The following SLC16A9 variants were observed in gnomAD, a reference collection of about 807,000 sequenced individuals.
SLC16A9 encodes solute carrier family 16 member 9.
In SLC16A9, 26 loss-of-function variants were observed where a neutral mutation model predicts 44.3. That is an observed-to-expected ratio of 0.59 (90% CI 0.43 to 0.81). SLC16A9 has a LOEUF of 0.81. Among genes scored for constraint, SLC16A9 ranks in the 40% least tolerant of loss-of-function variants. SLC16A9 has a pLI of 0.00. For synonymous variants in SLC16A9, 230 were observed against 225.1 expected, an observed-to-expected ratio of 1.02 and a Z score of -0.19; for missense variants, 559 against 595.8, an observed-to-expected ratio of 0.94 and a Z score of 0.64.
chr10:59,657,652 G>A (rs1021193743), intron 4 of SLC16A9, among the ~76,000 whole-genome samples: 9 of 152,258 alleles, frequency 5.9e-5, no homozygotes, highest in African/African-American at 1.9e-4. Context: ...ATCTGTCACA[G>A]CATGCAACTC....
At chr10:59,704,259 C>A (rs1449323869) in intron 1 of SLC16A9, among the ~76,000 whole-genome samples, 1 of 152,054 alleles carries the variant, frequency 6.6e-6, no homozygotes, top group Non-Finnish European at 1.5e-5. Flanking sequence ...CCTGTGCTAT[C>A]CCCCATACCT....
intron 1 of SLC16A9, chr10:59,708,915 C>G (rs776300113): frequency 1.6e-4 from 25 of 152,436 alleles, no homozygotes; most frequent in Non-Finnish European, 3.1e-4. Context: ...CCCAGGGCTG[C>G]CGGGTGGTGC....
At chr10:59,656,588 A>AT (rs936646529) in intron 4 of SLC16A9, among the ~76,000 whole-genome samples, 3 of 152,094 alleles carry the variant, frequency 2.0e-5, no homozygotes, top group Admixed American at 1.3e-4. Flanking sequence ...AAGATACAGG[A>AT]TTTTTTTCCC....
At chr10:59,685,859 G>A (rs915325850) in intron 1 of SLC16A9, among the ~76,000 whole-genome samples, 1 of 152,162 alleles carries the variant, frequency 6.6e-6, no homozygotes, top group South Asian at 2.1e-4. Flanking sequence ...AAGTTCAAGA[G>A]CATTGAGCTA....
intron 4 of SLC16A9, 76 bp downstream of exon 4, chr10:59,664,151 T>C (rs1333154632): frequency 7.2e-6 from 7 of 966,810 alleles, no homozygotes; most frequent in Admixed American, 7.2e-5. Flanking sequence ...TGGTTAAACA[T>C]GTCTGTGCTT....
At chr10:59,707,177 G>A (rs1042346465) in intron 1 of SLC16A9, among the ~76,000 whole-genome samples, 2 of 150,388 alleles carry the variant, frequency 1.3e-5, no homozygotes, top group African/African-American at 4.9e-5. Flanking sequence ...CCTGAGCCTG[G>A]TGAAGTCGAG....
At position 59,654,249 on chromosome 10, in the gene SLC16A9, C is replaced by A. The variant is rs753556016; in HGVS notation, c.777G>T (p.Val259=). ...ACGTTTCAGGCTCTTTTGTGTGTGTCACTGTGGGGTTTTTATGAAGTAGGC... is the reference window on the plus strand; with the variant it reads ...ACGTTTCAGGCTCTTTTGTGTGTGTAACTGTGGGGTTTTTATGAAGTAGGC... ...QDSLLHKNPT[V]THTKEPETYK... Residue 259 remains valine (V), a synonymous_variant, in exon 5 of 6, where the codon GTG becomes GTT. Transcript: ENST00000395348. 5 of 1,614,016 alleles carry A rather than the reference C, an allele frequency of 3.1e-6. No individual in the cohort carries two copies. In the South Asian group the frequency reaches 4.4e-5, roughly 14 times the overall value.
upstream of SLC16A9, chr10:59,710,023 C>G (rs891908873): frequency 2.0e-5 from 3 of 152,338 alleles, no homozygotes; most frequent in African/African-American, 7.2e-5. Flanking sequence ...AGGCCTGGAG[C>G]CACCAAAGCC....
At chr10:59,653,643 A>C (rs1839268958) in intron 5 of SLC16A9, 32 bp downstream of exon 5, 2 of 1,571,620 alleles carry the variant, frequency 1.3e-6, no homozygotes, top group Non-Finnish European at 8.7e-7. Flanking sequence ...GAAGAACAGT[A>C]AAATGGGATG....
chr10:59,655,558 T>G (rs1839331594), intron 4 of SLC16A9, among the ~76,000 whole-genome samples: 1 of 152,124 alleles, frequency 6.6e-6, no homozygotes, highest in Non-Finnish European at 1.5e-5. Flanking sequence ...TTTTTTAGGG[T>G]ATTTAAATTA....
intron 1 of SLC16A9, among the ~76,000 whole-genome samples, chr10:59,696,717 C>T (rs1481384835): frequency 2.6e-5 from 4 of 151,690 alleles, no homozygotes; most frequent in African/African-American, 9.7e-5. Flanking sequence ...TGCCCTGCCG[C>T]CCCGTCTGGG....
At position 59,691,175 on chromosome 10, in the gene SLC16A9, A is replaced by G. The variant is rs552337426; in HGVS notation, c.-36-6848T>C. Among the ~76,000 whole-genome samples the G allele has an allele frequency of 3.9e-5, 6 of 152,342 alleles. No homozygotes were observed. The South Asian group carries it at 1.0e-3, about 26-fold the overall frequency. On this transcript the variant is annotated intron_variant, in intron 1 of 5. Coordinates refer to ENST00000395348, the MANE Select transcript of SLC16A9 (RefSeq NM_194298.3). The stretch of plus-strand genomic sequence containing the variant: ...ATTTAGATTTATGATCCATGCATAC[A>G]TTCAACGTTTTGGAGTCTTATTCAA...
chr10:59,704,910 AT>A (rs1204791374), intron 1 of SLC16A9, among the ~76,000 whole-genome samples: 4 of 152,388 alleles, frequency 2.6e-5, no homozygotes, highest in Non-Finnish European at 5.9e-5. Flanking sequence ...ACAAAGTAGT[AT>A]GTTTACTGTA....
At chr10:59,696,415 G>A (rs1454708893) in intron 1 of SLC16A9, among the ~76,000 whole-genome samples, 2 of 152,192 alleles carry the variant, frequency 1.3e-5, no homozygotes, top group East Asian at 3.9e-4. Flanking sequence ...GCTCAATGGT[G>A]CCCAGGCTGG....
chr10:59,697,650 T>C (rs1175454018), intron 1 of SLC16A9, among the ~76,000 whole-genome samples: 1 of 149,412 alleles, frequency 6.7e-6, no homozygotes, highest in African/African-American at 2.4e-5. Context: ...TTCACTTGTT[T>C]ATCTGCTGAC....
In SLC16A9 at chr10:59,697,769, TTAAAAAAA is replaced by T. The variant is rs376862154; in HGVS notation, c.-37+11702_-37+11709del. On this transcript the variant is annotated intron_variant, in intron 1 of 5. Coordinates refer to ENST00000395348, the MANE Select transcript of SLC16A9 (RefSeq NM_194298.3). ...AAAAAATAAATAAATAAATAAATAA[TTAAAAAAA>T]TAAAAAAATAAAAAAAAGATCAGAG... Among the ~76,000 whole-genome samples the T allele has an allele frequency of 1.4e-3, 209 of 148,034 alleles. 1 individual carries two copies. Among genetic ancestry groups the T allele is most frequent in the African/African-American group, 3.8e-3 (150 of 39,650 alleles).
In SLC16A9 at chr10:59,682,843, C is replaced by T. The variant is rs1840052471; in HGVS notation, c.196+1253G>A. On this transcript the variant is annotated intron_variant, in intron 2 of 5. Transcript: ENST00000395348. ...AACTATGAAACAAATCTAGGGCAAA[C>T]GTTCCCTGTTTCCCTTGAGCTCATA... is the stretch of plus-strand genomic sequence containing the variant. 3.9e-5 allele frequency among the ~76,000 whole-genome samples: 6 copies of T among 152,112 alleles called. No homozygotes were observed. The South Asian group carries it at 6.2e-4, about 16-fold the overall frequency.
chr10:59,702,066 A>T (rs1564714814), intron 1 of SLC16A9, among the ~76,000 whole-genome samples: 1 of 152,238 alleles, frequency 6.6e-6, no homozygotes, highest in Non-Finnish European at 1.5e-5. Context: ...ACAAATCTGT[A>T]TGGAATGAAT....
At chr10:59,663,442 G>T (rs1287055506) in intron 4 of SLC16A9, among the ~76,000 whole-genome samples, 1 of 152,140 alleles carries the variant, frequency 6.6e-6, no homozygotes, top group East Asian at 1.9e-4. Context: ...AAAAGAATGA[G>T]TTTGTGTCCT....
Sources: allele counts gnomAD v4.1 joint callset (sites outside exome capture counted in the v4.1 genomes callset), GRCh38; gene constraint gnomAD v4.1.1; transcripts MANE v1.5; gene names NCBI Gene and HGNC (gene_info 2026-07-23, HGNC 2026-07-21).